The following EXOC6B variants were observed in gnomAD, a reference collection of about 807,000 sequenced individuals.
The protein encoded by EXOC6B is SEC15 homolog B.
EXOC6B carries 54 observed loss-of-function variants against 113.5 expected under a neutral mutation model. The observed-to-expected ratio is 0.48, with a 90% CI of 0.38 to 0.60. The LOEUF is 0.60. Ranked by LOEUF, EXOC6B falls within the 20% of genes least tolerant of loss-of-function variation. The pLI is 0.00. For missense variants in EXOC6B, 797 were observed against 977.5 expected, an observed-to-expected ratio of 0.82 and a Z score of 2.46; for synonymous variants, 357 against 339.0, an observed-to-expected ratio of 1.05 and a Z score of -0.58.
intron 20 of EXOC6B, among the ~76,000 whole-genome samples, chr2:72,251,795 G>C (rs1425725276): frequency 2.6e-5 from 4 of 152,096 alleles, no homozygotes; most frequent in Non-Finnish European, 5.9e-5. Flanking sequence ...AACTATAACT[G>C]AAATAAAATT....
intron 8 of EXOC6B, among the ~76,000 whole-genome samples, chr2:72,534,598 T>A (rs1016684150): frequency 6.6e-6 from 1 of 152,118 alleles, no homozygotes; most frequent in African/African-American, 2.4e-5. Context: ...GAAATTCTTA[T>A]TATAAAGAAT....
rs573289142 is a variant in EXOC6B at position 72,187,846 on chromosome 2, C to T, written c.2197-3659G>A. Among the ~76,000 whole-genome samples the T allele has an allele frequency of 1.8e-3, 277 of 152,328 alleles. 3 individuals are homozygous for T. The highest frequency in any genetic ancestry group is 6.6e-3 in the African/African-American group (273 of 41,580). On this transcript the variant is annotated intron_variant, in intron 20 of 21. Transcript: ENST00000272427. ...GGACCTGCCCCATTCTGCCCAGGAA[C>T]CTGTCTGCTTTCTGCTCCCATTCAT...
intron 1 of EXOC6B, among the ~76,000 whole-genome samples, chr2:72,811,150 T>TA (rs915522973): frequency 3.7e-4 from 56 of 151,988 alleles, no homozygotes; most frequent in African/African-American, 1.3e-3. Flanking sequence ...CCGTCTCTAC[T>TA]AAAAATTCAA....
chr2:72,383,174 A>G (rs533133698), intron 18 of EXOC6B, among the ~76,000 whole-genome samples: 1 of 152,336 alleles, frequency 6.6e-6, no homozygotes, highest in East Asian at 1.9e-4. Flanking sequence ...GCTTCTGCAC[A>G]GCAAAATAAA....
At chr2:72,294,245 G>A (rs1411146423) in intron 20 of EXOC6B, among the ~76,000 whole-genome samples, 2 of 151,928 alleles carry the variant, frequency 1.3e-5, no homozygotes, top group East Asian at 3.9e-4. Context: ...TTTGTATGGG[G>A]AGGCCTAAGA....
chr2:72,470,385 T>A (rs1389001936), intron 17 of EXOC6B, among the ~76,000 whole-genome samples: 1 of 152,206 alleles, frequency 6.6e-6, no homozygotes, highest in Non-Finnish European at 1.5e-5. Flanking sequence ...TACTGTTTCA[T>A]TATTGAAGAA....
chr2:72,458,005 G>T (rs923430331), intron 18 of EXOC6B, among the ~76,000 whole-genome samples: 1 of 152,060 alleles, frequency 6.6e-6, no homozygotes, highest in Admixed American at 6.6e-5. Flanking sequence ...TATTCCGTTG[G>T]CTATGTTGCT....
chr2:72,255,126 T>C (rs1017966914), intron 20 of EXOC6B, among the ~76,000 whole-genome samples: 3 of 152,104 alleles, frequency 2.0e-5, no homozygotes, highest in Non-Finnish European at 2.9e-5. Flanking sequence ...CACTCAACCA[T>C]CTCAGCAGAA....
intron 17 of EXOC6B, among the ~76,000 whole-genome samples, chr2:72,476,726 G>A (rs1013605650): frequency 2.6e-5 from 4 of 151,938 alleles, no homozygotes; most frequent in Non-Finnish European, 4.4e-5. Context: ...TCCCTCACTT[G>A]AAGTCTTTCA....
At chr2:72,592,732 C>T (rs983304477) in intron 6 of EXOC6B, among the ~76,000 whole-genome samples, 6 of 152,158 alleles carry the variant, frequency 3.9e-5, no homozygotes, top group African/African-American at 1.4e-4. Context: ...TCCTAAGTGA[C>T]AGAGGTGATG....
At chr2:72,266,264 TC>T (rs1200070091) in intron 20 of EXOC6B, among the ~76,000 whole-genome samples, 2 of 150,672 alleles carry the variant, frequency 1.3e-5, no homozygotes, top group Non-Finnish European at 3.0e-5. Context: ...TTTAATGAGA[TC>T]CCATTTGTCA....
chr2:72,299,055 C>A (rs1265273657), intron 20 of EXOC6B, among the ~76,000 whole-genome samples: 1 of 152,064 alleles, frequency 6.6e-6, no homozygotes, highest in African/African-American at 2.4e-5. Flanking sequence ...GGGAAGTCCT[C>A]CTGGATAATA....
intron 8 of EXOC6B, among the ~76,000 whole-genome samples, chr2:72,547,130 A>C (rs1331366335): frequency 6.6e-6 from 1 of 152,210 alleles, no homozygotes; most frequent in Admixed American, 6.5e-5. Flanking sequence ...TGATTAAGAA[A>C]ATTTAAGAGA....
At chr2:72,556,115 T>C (rs1193080138) in intron 8 of EXOC6B, among the ~76,000 whole-genome samples, 1 of 152,146 alleles carries the variant, frequency 6.6e-6, no homozygotes, top group Non-Finnish European at 1.5e-5. Flanking sequence ...AGCAGACCAG[T>C]CAAGAGCAAA....
chr2:72,340,596 T>A (rs1688971871), intron 19 of EXOC6B, among the ~76,000 whole-genome samples: 1 of 152,156 alleles, frequency 6.6e-6, no homozygotes, highest in African/African-American at 2.4e-5. Flanking sequence ...CATCACCTGC[T>A]CTTGCTGAAT....
chr2:72,389,393 A>G (rs545985458), intron 18 of EXOC6B, among the ~76,000 whole-genome samples: 1 of 152,158 alleles, frequency 6.6e-6, no homozygotes, highest in Admixed American at 6.5e-5. Flanking sequence ...ATCAATATAT[A>G]CATTGTCATT....
At chr2:72,700,282 G>A (rs1260482086) in intron 6 of EXOC6B, among the ~76,000 whole-genome samples, 4 of 91,710 alleles carry the variant, frequency 4.4e-5, no homozygotes, top group African/African-American at 6.8e-5. Flanking sequence ...AAAGTTATCC[G>A]TGTCAACCAC....
At chr2:72,595,311 CAATT>C (rs955956362) in intron 6 of EXOC6B, among the ~76,000 whole-genome samples, 17 of 144,280 alleles carry the variant, frequency 1.2e-4, no homozygotes, top group South Asian at 2.2e-4. Context: ...ATATATATGA[CAATT>C]AATAAGCATG....
chr2:72,265,311 G>A (rs1684002062), intron 20 of EXOC6B, among the ~76,000 whole-genome samples: 1 of 150,640 alleles, frequency 6.6e-6, no homozygotes, highest in African/African-American at 2.5e-5. Context: ...GTGCAGGTTA[G>A]TTACATATGT....
Sources: gnomAD v4.1 joint callset for allele counts (sites outside exome capture counted in the v4.1 genomes callset) on GRCh38, gnomAD v4.1.1 for gene constraint, MANE v1.5 for transcripts, NCBI Gene and HGNC (gene_info 2026-07-23, HGNC 2026-07-21) for gene names.